Variants in ZNF691 observed in about 807,000 individuals in gnomAD.
ZNF691 encodes the protein zinc finger protein 691.
A neutral mutation model predicts 24.1 loss-of-function variants in ZNF691; 11 were observed. The observed-to-expected ratio is 0.46, with a 90% CI of 0.29 to 0.75. ZNF691 has a LOEUF of 0.75. ZNF691 is among the 30% of genes least tolerant of loss of function. The pLI is 0.11. For missense variants in ZNF691, 356 were observed against 409.0 expected (o/e 0.87, Z 1.12); for synonymous variants, 149 against 153.9 (o/e 0.97, Z 0.23).
At chr1:42,850,841 T>A in intron 3 of ZNF691, 109 bp from the exon 4 acceptor site, 3 of 1,570,722 alleles carry the variant, frequency 1.9e-6, no homozygotes, top group Non-Finnish European at 2.6e-6. Context: ...TTATTTCTAA[T>A]GGATGGTCCC....
At chr1:42,847,488 G>A (rs1347383613) in intron 1 of ZNF691, among the ~76,000 whole-genome samples, 2 of 152,194 alleles carry the variant, frequency 1.3e-5, no homozygotes, top group African/African-American at 4.8e-5. Flanking sequence ...GATCTCTGCA[G>A]TGTGATATGA....
At position 42,851,525 on chromosome 1, in the gene ZNF691, C is replaced by T. The variant is rs554112705; in HGVS notation, c.660C>T (p.Thr220=). The change falls in exon 4 of 4, where the codon ACC becomes ACT. Residue 220 remains threonine (T), a synonymous_variant. Coordinates refer to ENST00000651192, the MANE Select transcript of ZNF691 (RefSeq NM_001242739.2). The surrounding 1 kb of genome is among the most constrained non-coding windows in gnomAD (Gnocchi z 4.7). ...QSATLAVHHR[T]HLEPAPYICC... ...CCACGCTAGCTGTGCATCACCGGAC[C>T]CACCTGGAGCCAGCACCCTACATCT... 23 of 1,614,248 alleles carry T rather than the reference C, an allele frequency of 1.4e-5. No homozygotes were observed. Among genetic ancestry groups the T allele is most frequent in the Non-Finnish European group, 1.8e-5 (21 of 1,180,038 alleles).
At chr1:42,850,389 G>A (rs1032597002) in intron 3 of ZNF691, 35 of 984,740 alleles carry the variant, frequency 3.6e-5, no homozygotes, top group Admixed American at 6.1e-5. Flanking sequence ...AGATTCTGGT[G>A]TGGGCTGGAG....
chr1:42,851,054 G>C lies in ZNF691; in HGVS notation c.189G>C (p.Trp63Cys). 6.3e-7 allele frequency: 1 copy of C among 1,593,052 alleles called. No homozygotes were observed. Among genetic ancestry groups the C allele is most frequent in the Non-Finnish European group, 8.5e-7 (1 of 1,170,116 alleles). The change falls in exon 4 of 4, where the codon TGG becomes TGC. Residue 63 changes from tryptophan (W) to cysteine (C), a missense_variant. By Grantham distance (215) the Trp-to-Cys change is radical. Coordinates refer to ENST00000651192, the MANE Select transcript of ZNF691 (RefSeq NM_001242739.2). This position sits in a 1 kb window ranked among gnomAD's most constrained non-coding sequence, Gnocchi z 4.7. ...PWRVDDSEGS[W>C]IPPGEKEHGQ... ...GAGTGGATGACTCAGAGGGTTCTTG[G>C]ATCCCACCTGGGGAGAAGGAGCATG... is the stretch of plus-strand genomic sequence containing the variant.
chr1:42,851,806 C>A lies in ZNF691; in HGVS notation c.941C>A (p.Ser314Tyr), dbSNP rs761502875. Residue 314 changes from serine to tyrosine, a missense_variant, in exon 4 of 4, where the codon TCC (serine) becomes TAC (tyrosine). Ser to Tyr is a moderately radical substitution (Grantham distance 144). Transcript: ENST00000651192. This position sits in a 1 kb window ranked among gnomAD's most constrained non-coding sequence, Gnocchi z 4.7. ...THLGEQAGKD[S>Y]S ...TTGGGCGAACAGGCTGGGAAAGATT[C>A]CAGCTGAAGGAGAGCCCCATTTAGA... 42 of 1,613,902 alleles carry A rather than the reference C, an allele frequency of 2.6e-5. 1 individual carries two copies. Among genetic ancestry groups the A allele is most frequent in the Middle Eastern group, 1.6e-4 (1 of 6,084 alleles).
intron 1 of ZNF691, among the ~76,000 whole-genome samples, chr1:42,847,924 G>T (rs1252944474): frequency 1.3e-5 from 2 of 152,210 alleles, no homozygotes; most frequent in African/African-American, 4.8e-5. Flanking sequence ...CTTGATTCGA[G>T]CTTTAAAAAA....
rs1258457829 is a variant in ZNF691, at chr1:42,849,296, G to T, written c.-212G>T. On this transcript the variant is annotated 5_prime_UTR_variant, in exon 2 of 4. Transcript: ENST00000651192. ...TTTTCTTGTATTCTTCACAGGGCCT[G>T]GACGTAGTGTCTTCAACAGTTGTAA... The T allele has an allele frequency of 2.1e-6, 1 of 466,612 alleles. No individual in the cohort carries two copies. Among genetic ancestry groups the T allele is most frequent in the Non-Finnish European group, 4.2e-6 (1 of 237,788 alleles). 28.9% of individuals were successfully genotyped at this position (466,612 alleles called of 1,614,324 possible).
Position 42,851,810 on chromosome 1 carries a change from C to T in ZNF691, c.945C>T (p.Ser315=), listed in dbSNP as rs1655404137. The change falls in exon 4 of 4, where the codon AGC becomes AGT. Residue 315 remains serine (S), a synonymous_variant. Transcript: ENST00000651192. This position sits in a 1 kb window ranked among gnomAD's most constrained non-coding sequence, Gnocchi z 4.7. The stretch of plus-strand genomic sequence containing the variant: ...GCGAACAGGCTGGGAAAGATTCCAG[C>T]TGAAGGAGAGCCCCATTTAGAGTGA... The part of the protein sequence containing the change: ...HLGEQAGKDS[S] 4.3e-6 allele frequency: 7 copies of T among 1,613,896 alleles called. No homozygotes were observed. Among genetic ancestry groups the T allele is most frequent in the Admixed American group, 3.3e-5 (2 of 60,010 alleles).
intron 1 of ZNF691, among the ~76,000 whole-genome samples, chr1:42,847,111 C>T (rs1030138773): frequency 2.0e-5 from 3 of 151,860 alleles, no homozygotes; most frequent in African/African-American, 7.3e-5. Context: ...CTGACCGTCT[C>T]CTGCGACCCT....
Position 42,851,490 on chromosome 1 carries a change from A to C in ZNF691, c.625A>C (p.Ser209Arg), listed in dbSNP as rs367817475. The C allele has an allele frequency of 4.5e-5, 72 of 1,614,092 alleles. No individual in the cohort carries two copies. The highest frequency in any genetic ancestry group is 2.2e-4 in the Admixed American group (13 of 60,004). Reference protein sequence around the residue: ...YRCDICGKSFSQSATLAVHHR... With the variant: ...YRCDICGKSFRQSATLAVHHR... ...CTGTGACATCTGTGGCAAGAGCTTCAGCCAGAGTGCCACGCTAGCTGTGCA... is the reference window on the plus strand; with the variant it reads ...CTGTGACATCTGTGGCAAGAGCTTCCGCCAGAGTGCCACGCTAGCTGTGCA... Residue 209 changes from serine (S) to arginine (R), a missense_variant, in exon 4 of 4, where the codon AGC becomes CGC. By Grantham distance (110) the Ser-to-Arg change is moderately radical (BLOSUM62 -1). Transcript: ENST00000651192. The surrounding 1 kb of genome is among the most constrained non-coding windows in gnomAD (Gnocchi z 4.7).
intron 3 of ZNF691, 71 bp from the exon 4 acceptor site, chr1:42,850,879 G>C: frequency 6.4e-7 from 1 of 1,554,078 alleles, no homozygotes; most frequent in East Asian, 2.2e-5. Context: ...CCTTCAAACT[G>C]AACAAAAGAT....
In ZNF691 at chr1:42,847,319, G is replaced by A. The variant is rs1655267935; in HGVS notation, c.-218+662G>A. ...TTGGCCCCTTGCCTTTAACCTAGGCGCTTCACCTTCATCATCTGTGATCAC... is the reference window on the plus strand; with the variant it reads ...TTGGCCCCTTGCCTTTAACCTAGGCACTTCACCTTCATCATCTGTGATCAC... On this transcript the variant is annotated intron_variant, in intron 1 of 3. Transcript: ENST00000651192. Among the ~76,000 whole-genome samples the A allele has an allele frequency of 2.6e-5, 4 of 151,972 alleles. No individual in the cohort carries two copies. The South Asian group carries it at 8.3e-4, about 32-fold the overall frequency.
rs757529949 is a variant in ZNF691 at position 42,851,860 on chromosome 1, C to T, written c.*47C>T. On this transcript the variant is annotated 3_prime_UTR_variant, in exon 4 of 4. Transcript: ENST00000651192. The surrounding 1 kb of genome is among the most constrained non-coding windows in gnomAD (Gnocchi z 4.7). ...AGGGAGAGAGAGTGAGAGACCCTAA[C>T]CTATTGGAGGAAGATCTTCAGCATC... is the stretch of plus-strand genomic sequence containing the variant. 8.1e-6 allele frequency: 13 copies of T among 1,611,222 alleles called. No homozygotes were observed. The highest frequency in any genetic ancestry group is 1.1e-5 in the Non-Finnish European group (13 of 1,178,554).
intron 1 of ZNF691, among the ~76,000 whole-genome samples, chr1:42,847,618 C>T (rs577887498): frequency 1.4e-4 from 22 of 152,380 alleles, no homozygotes; most frequent in African/African-American, 5.0e-4. Context: ...CTCCTTGAAA[C>T]TTCTCAGCCC....
Position 42,851,943 on chromosome 1 carries a change from A to G in ZNF691, c.*130A>G, listed in dbSNP as rs772029439. On this transcript the variant is annotated 3_prime_UTR_variant, in exon 4 of 4. Transcript: ENST00000651192. The surrounding 1 kb of genome is among the most constrained non-coding windows in gnomAD (Gnocchi z 4.7). ...CCCACTTTGGAGAATGGTTTTGTAT[A>G]GCCTCTGAAGTCAGGATCTCAGGAA... The G allele has an allele frequency of 1.1e-4, 153 of 1,384,990 alleles. No individual in the cohort carries two copies. The highest frequency in any genetic ancestry group is 6.7e-4 in the Admixed American group (34 of 50,892). The allele number at this position is 1,384,990 out of a possible 1,614,324, so 85.8% of individuals were successfully genotyped here.
chr1:42,850,457 A>G (rs970504062), intron 3 of ZNF691: 23 of 985,264 alleles, frequency 2.3e-5, no homozygotes, highest in Non-Finnish European at 2.7e-5. Flanking sequence ...TCACCTAGGA[A>G]AGCCTCAAGA....
chr1:42,849,587 A>C lies in ZNF691; in HGVS notation c.-72A>C. On this transcript the variant is annotated 5_prime_UTR_variant, in exon 3 of 4. Transcript: ENST00000651192. ...CAGAAATACTTGCAGACTTGAAGGA[A>C]TTATCAGTCTTTCATTTTCTATCAT... 5.3e-6 allele frequency: 6 copies of C among 1,122,942 alleles called. No homozygotes were observed. Among genetic ancestry groups the C allele is most frequent in the Non-Finnish European group, 6.6e-6 (5 of 756,804 alleles). 69.6% of individuals were successfully genotyped at this position (1,122,942 alleles called of 1,614,324 possible).
chr1:42,850,868 C>A (rs938894675), intron 3 of ZNF691, 82 bp from the exon 4 acceptor site: 2 of 1,557,278 alleles, frequency 1.3e-6, no homozygotes, highest in East Asian at 2.3e-5. Flanking sequence ...AAGGTGTATA[C>A]CCTTCAAACT....
rs1166569103 is a variant in ZNF691 at position 42,851,432 on chromosome 1, C to G, written c.567C>G (p.His189Gln). 1.2e-6 allele frequency: 2 copies of G among 1,614,066 alleles called. No homozygotes were observed. Among genetic ancestry groups the G allele is most frequent in the African/African-American group, 2.7e-5 (2 of 74,934 alleles). Residue 189 changes from histidine (H) to glutamine (Q), a missense_variant, in exon 4 of 4, where the codon CAC (histidine) becomes CAG (glutamine). Transcript: ENST00000651192. The surrounding 1 kb of genome is among the most constrained non-coding windows in gnomAD (Gnocchi z 4.7). ...GGCGGCGCTCAGACCTCACCACGCA[C>G]CAGCAAGATCACCTAGGCAAGCGGC... ...SFRRRSDLTT[H>Q]QQDHLGKRPY...
Sources: gnomAD v4.1 joint callset for allele counts (sites outside exome capture counted in the v4.1 genomes callset) on GRCh38, gnomAD v4.1.1 for gene constraint, Gnocchi (gnomAD v3.1) non-coding constraint, MANE v1.5 for transcripts, NCBI Gene and HGNC (gene_info 2026-07-23, HGNC 2026-07-21) for gene names.